Variants in RABGAP1L observed in about 807,000 individuals in gnomAD.
RABGAP1L encodes RAB GTPase activating protein 1 like.
In RABGAP1L, 63 loss-of-function variants were observed where a neutral mutation model predicts 137.7. The observed-to-expected ratio is 0.46, with a 90% CI of 0.37 to 0.56. The LOEUF is 0.56. RABGAP1L is among the 20% of genes least tolerant of loss of function. RABGAP1L has a pLI of 0.00. For missense variants in RABGAP1L, 1,095 were observed against 1,244.0 expected, an observed-to-expected ratio of 0.88 and a Z score of 1.80; for synonymous variants, 431 against 433.7, an observed-to-expected ratio of 0.99 and a Z score of 0.08.
At chr1:174,497,473 C>T (rs1660851556) in intron 13 of RABGAP1L, among the ~76,000 whole-genome samples, 1 of 152,194 alleles carries the variant, frequency 6.6e-6, no homozygotes, top group African/African-American at 2.4e-5. Context: ...CAGCCCTGTC[C>T]TTCAAAACCT....
At chr1:174,673,369 CATA>C (rs1379237957) in intron 14 of RABGAP1L, among the ~76,000 whole-genome samples, 2 of 151,840 alleles carry the variant, frequency 1.3e-5, no homozygotes, top group African/African-American at 4.8e-5. Context: ...AACAATGGAC[CATA>C]ATATGATTTT....
At chr1:174,305,740 A>AT (rs1558117278) in intron 11 of RABGAP1L, among the ~76,000 whole-genome samples, 1 of 148,740 alleles carries the variant, frequency 6.7e-6, no homozygotes, top group Non-Finnish European at 1.5e-5. Flanking sequence ...TTTCTATTTT[A>AT]TTTTTTCTAT....
intron 19 of RABGAP1L, among the ~76,000 whole-genome samples, chr1:174,840,647 A>C (rs71645219): frequency 1.5e-4 from 23 of 149,906 alleles, no homozygotes; most frequent in Non-Finnish European, 2.7e-4. Context: ...AAAAAAAAAA[A>C]CAAAAAAAAA....
intron 15 of RABGAP1L, among the ~76,000 whole-genome samples, chr1:174,695,211 CT>C (rs1274431258): frequency 2.6e-5 from 4 of 152,244 alleles, no homozygotes; most frequent in African/African-American, 9.6e-5. Flanking sequence ...ATCTCTTCCC[CT>C]ACCTCCTCTT....
intron 13 of RABGAP1L, among the ~76,000 whole-genome samples, chr1:174,544,498 T>C (rs961072269): frequency 2.0e-5 from 3 of 152,216 alleles, no homozygotes; most frequent in African/African-American, 7.2e-5. Flanking sequence ...GCCATTCGTC[T>C]AATCTTTCTT....
intron 4 of RABGAP1L, among the ~76,000 whole-genome samples, chr1:174,240,428 A>G (rs2148553173): frequency 6.6e-6 from 1 of 152,250 alleles, no homozygotes; most frequent in East Asian, 1.9e-4. Flanking sequence ...TGTATTTATC[A>G]GAAGAGATGG....
intron 14 of RABGAP1L, among the ~76,000 whole-genome samples, chr1:174,644,446 T>C (rs1348123520): frequency 6.6e-6 from 1 of 151,952 alleles, no homozygotes; most frequent in Non-Finnish European, 1.5e-5. Context: ...AAGGGATTGG[T>C]GTGACGCCTA....
At chr1:174,575,689 A>G (rs1260797661) in intron 13 of RABGAP1L, among the ~76,000 whole-genome samples, 1 of 152,238 alleles carries the variant, frequency 6.6e-6, no homozygotes, top group Non-Finnish European at 1.5e-5. Flanking sequence ...GCACCAAAGT[A>G]ATTATAAATG....
intron 13 of RABGAP1L, among the ~76,000 whole-genome samples, chr1:174,398,192 T>C (rs1648109907): frequency 6.6e-6 from 1 of 152,172 alleles, no homozygotes; most frequent in Admixed American, 6.6e-5. Flanking sequence ...CTAGTTTTGG[T>C]GTCCAGAGTT....
intron 10 of RABGAP1L, among the ~76,000 whole-genome samples, chr1:174,290,719 A>T (rs1487627034): frequency 6.7e-6 from 1 of 150,032 alleles, no homozygotes; most frequent in African/African-American, 2.4e-5. Context: ...TATATTAGCC[A>T]TATTTCCCGC....
intron 13 of RABGAP1L, among the ~76,000 whole-genome samples, chr1:174,443,439 T>A (rs1227075460): frequency 6.6e-6 from 1 of 152,274 alleles, no homozygotes; most frequent in South Asian, 2.1e-4. Flanking sequence ...TATATCTCAT[T>A]ATAGTTTTAT....
chr1:174,875,612 A>G (rs1415762478), intron 19 of RABGAP1L: 1 of 985,284 alleles, frequency 1.0e-6, no homozygotes, highest in East Asian at 1.1e-4. Context: ...TCACATCTAG[A>G]AAATGTTGCA....
intron 1 of RABGAP1L, among the ~76,000 whole-genome samples, chr1:174,199,690 C>T (rs1294144454): frequency 6.6e-6 from 1 of 152,122 alleles, no homozygotes; most frequent in Non-Finnish European, 1.5e-5. Flanking sequence ...TTGTGAGAGC[C>T]AATTCAATAT....
At position 174,317,834 on chromosome 1, in the gene RABGAP1L, T is replaced by A. The variant is rs900291170; in HGVS notation, c.1465+12707T>A. ...ATTTGTACCGCTGGGGTCAGGGATT[T>A]CCCTTTGGCCAGGGCTGGTTTAAAT... On this transcript the variant is annotated intron_variant, in intron 11 of 25. Coordinates refer to ENST00000681986, the MANE Select transcript of RABGAP1L (RefSeq NM_001366446.1). Among the ~76,000 whole-genome samples the A allele has an allele frequency of 6.8e-4, 104 of 152,248 alleles. 1 individual carries two copies. The highest frequency in any genetic ancestry group is 2.3e-3 in the African/African-American group (95 of 41,550).
Position 174,231,341 on chromosome 1 carries a change from A to G in RABGAP1L, c.528A>G (p.Pro176=). The part of the protein sequence containing the change: ...FPVTLYVPNV[P]EGSVRIIDQS... ...TTACCCTGTATGTACCAAATGTTCC[A>G]GAAGGTTCTGTGAGGTAAGCTCTAA... Residue 176 remains proline (P), a synonymous_variant, in exon 4 of 26, where the codon CCA becomes CCG. Transcript: ENST00000681986. 1 of 1,613,898 alleles carries G rather than the reference A, an allele frequency of 6.2e-7. No homozygotes were observed. Among genetic ancestry groups the G allele is most frequent in the Non-Finnish European group, 8.5e-7 (1 of 1,179,812 alleles).
At chr1:174,800,758 C>CA (rs750690000) in intron 18 of RABGAP1L, among the ~76,000 whole-genome samples, 4 of 151,904 alleles carry the variant, frequency 2.6e-5, no homozygotes, top group Middle Eastern at 3.4e-3. Flanking sequence ...TCTGTGGCAG[C>CA]AAAAAAATGG....
chr1:174,590,498 C>A (rs960384454), intron 13 of RABGAP1L, among the ~76,000 whole-genome samples: 2 of 92,972 alleles, frequency 2.2e-5, no homozygotes, highest in Non-Finnish European at 3.9e-5. Context: ...TATCCCTCCC[C>A]CCTCCCCCGA....
rs933698748 is a variant in RABGAP1L, at chr1:174,328,012, T to C, written c.1465+22885T>C. ...ATATATATATATATATATATATATA[T>C]ATATATATATATACCCAACATCAGA... is the stretch of plus-strand genomic sequence containing the variant. On this transcript the variant is annotated intron_variant, in intron 11 of 25. Coordinates refer to ENST00000681986, the MANE Select transcript of RABGAP1L (RefSeq NM_001366446.1). Among the ~76,000 whole-genome samples, 283 of 120,854 alleles carry C rather than the reference T, an allele frequency of 2.3e-3. 10 individuals carry two copies. The highest frequency in any genetic ancestry group is 0.011 in the African/African-American group (274 of 24,376). The allele number at this position is 120,854 out of a possible 152,430, so 79.3% of individuals were successfully genotyped here. A position where few individuals can be genotyped will look rare whatever the true frequency, so the allele number is the denominator to read the frequency against.
At chr1:174,700,665 AAGG>A (rs1679579960) in intron 16 of RABGAP1L, 1 of 158,854 alleles carries the variant, frequency 6.3e-6, no homozygotes, top group Non-Finnish European at 1.4e-5. Flanking sequence ...AAAGAAATAA[AAGG>A]AGGCAGGGAT....
Sources: gnomAD v4.1 joint callset for allele counts (sites outside exome capture counted in the v4.1 genomes callset) on GRCh38, gnomAD v4.1.1 for gene constraint, MANE v1.5 for transcripts, NCBI Gene and HGNC (gene_info 2026-07-23, HGNC 2026-07-21) for gene names.